The following AKAP12 variants were observed in gnomAD, a reference collection of about 807,000 sequenced individuals.
AKAP12 encodes the protein A-kinase anchor protein 12.
In AKAP12, 32 loss-of-function variants were observed where a neutral mutation model predicts 79.9. That is an observed-to-expected ratio of 0.40 (90% confidence interval 0.30 to 0.54). The LOEUF is 0.54. Ranked by LOEUF, AKAP12 falls within the 20% of genes least tolerant of loss-of-function variation. AKAP12 has a pLI of 0.48. For missense variants in AKAP12, 2,074 were observed against 2,177.0 expected (o/e 0.95, Z 0.94); for synonymous variants, 808 against 857.0 (o/e 0.94, Z 1.00).
intron 1 of AKAP12, 60 bp from the exon 2 acceptor site, chr6:151,240,324 C>CG (rs937012925): frequency 1.0e-5 from 4 of 388,152 alleles, no homozygotes; most frequent in African/African-American, 2.1e-5. Flanking sequence ...AGGGAAAAAC[C>CG]GGGGGGAGGG....
chr6:151,277,937 T>C (rs1053709137), intron 2 of AKAP12, among the ~76,000 whole-genome samples: 5 of 104,144 alleles, frequency 4.8e-5, no homozygotes, highest in Non-Finnish European at 9.9e-5. Context: ...CAATAGCTAA[T>C]AGGTTTATGT....
intron 4 of AKAP12, among the ~76,000 whole-genome samples, 197 bp downstream of exon 4, chr6:151,353,949 G>A (rs1411720795): frequency 6.6e-6 from 1 of 152,016 alleles, no homozygotes; most frequent in Non-Finnish European, 1.5e-5. Context: ...TAGTCTTATC[G>A]ATGTTATGAA....
chr6:151,252,948 C>T (rs562718720), intron 2 of AKAP12, among the ~76,000 whole-genome samples: 54 of 152,282 alleles, frequency 3.5e-4, no homozygotes, highest in African/African-American at 1.2e-3. Context: ...GTCTTTCCCT[C>T]CAGAGAAGAC....
chr6:151,249,902 A>G (rs553261152), intron 2 of AKAP12, among the ~76,000 whole-genome samples: 2 of 152,314 alleles, frequency 1.3e-5, no homozygotes, highest in Non-Finnish European at 2.9e-5. Context: ...TTTCATGGCT[A>G]TGGTGAGTTC....
At chr6:151,240,348 G>C in intron 1 of AKAP12, 36 bp from the exon 2 acceptor site, 2 of 446,048 alleles carry the variant, frequency 4.5e-6, no homozygotes, top group Non-Finnish European at 7.6e-6. Context: ...CGGAGGCTAA[G>C]AGGTGGCCTT....
chr6:151,337,434 G>A (rs1180230749), intron 3 of AKAP12, among the ~76,000 whole-genome samples: 1 of 149,494 alleles, frequency 6.7e-6, no homozygotes, highest in East Asian at 2.0e-4. Flanking sequence ...AGAATCGCTT[G>A]AACCCAGGAG....
At position 151,322,199 on chromosome 6, in the gene AKAP12, C is replaced by T. The variant is rs117965191; in HGVS notation, c.319+16296C>T. Among the ~76,000 whole-genome samples, 975 of 152,158 alleles carry T rather than the reference C, an allele frequency of 6.4e-3. 4 individuals carry two copies. The highest frequency in any genetic ancestry group is 0.011 in the Non-Finnish European group (770 of 68,018). On this transcript the variant is annotated intron_variant, in intron 3 of 4. Transcript: ENST00000402676. ...CTGGGATCACAGGTGTGAGCCACCG[C>T]GCCCAACCTGTTGTCTTTTTTCTTT...
At chr6:151,304,601 G>A (rs1469667463) in intron 2 of AKAP12, among the ~76,000 whole-genome samples, 9 of 146,216 alleles carry the variant, frequency 6.2e-5, no homozygotes, top group Non-Finnish European at 3.0e-5. Context: ...TTCTCGCTCC[G>A]TCACCCAGGC....
chr6:151,288,468 C>T (rs1020059138), intron 2 of AKAP12, among the ~76,000 whole-genome samples: 44 of 152,074 alleles, frequency 2.9e-4, no homozygotes, highest in African/African-American at 1.0e-3. Flanking sequence ...GCTGAGATCG[C>T]GCCGCTGTAC....
intron 3 of AKAP12, among the ~76,000 whole-genome samples, chr6:151,337,053 G>A (rs1777831979): frequency 6.6e-6 from 1 of 152,082 alleles, no homozygotes; most frequent in Non-Finnish European, 1.5e-5. Context: ...TTAATACGTA[G>A]ATAAAATTTA....
chr6:151,326,500 A>G (rs1329311065), intron 3 of AKAP12, among the ~76,000 whole-genome samples: 2 of 144,548 alleles, frequency 1.4e-5, no homozygotes, highest in East Asian at 2.3e-4. Context: ...AAAAAAAAAA[A>G]AAAAAAGAAA....
intron 3 of AKAP12, among the ~76,000 whole-genome samples, chr6:151,345,276 C>T (rs917155226): frequency 4.0e-5 from 6 of 151,640 alleles, no homozygotes; most frequent in Non-Finnish European, 5.9e-5. Flanking sequence ...GGGGTTTCAC[C>T]GTGTTAGCCA....
At chr6:151,307,365 A>C (rs933532524) in intron 3 of AKAP12, among the ~76,000 whole-genome samples, 8 of 152,184 alleles carry the variant, frequency 5.3e-5, no homozygotes, top group African/African-American at 1.9e-4. Flanking sequence ...GGTGTGTTGG[A>C]ACAGCCTAGC....
At position 151,341,842 on chromosome 6, in the gene AKAP12, T is replaced by C; in HGVS notation, c.320-6869T>C. On this transcript the variant is annotated intron_variant, in intron 3 of 4. Transcript: ENST00000402676. Reference sequence around the variant, plus strand: ...CCCGTCCCAGGCTTGGGAAAGCCTCTCTACTGGCCAAGGCGCGCAGGGACA... The same window carrying C: ...CCCGTCCCAGGCTTGGGAAAGCCTCCCTACTGGCCAAGGCGCGCAGGGACA... 3.2e-6 allele frequency: 4 copies of C among 1,260,168 alleles called. No homozygotes were observed. The South Asian group carries it at 3.8e-5, about 12-fold the overall frequency. 78.1% of individuals were successfully genotyped at this position (1,260,168 alleles called of 1,614,324 possible).
chr6:151,348,982 G>A lies in AKAP12; in HGVS notation c.591G>A (p.Gln197=), dbSNP rs78249780. 5.4e-4 allele frequency: 874 copies of A among 1,614,094 alleles called. 9 individuals are homozygous for A. In the African/African-American group the frequency reaches 9.5e-3, roughly 17 times the overall value. Residue 197 remains glutamine (Q), a synonymous_variant, in exon 4 of 5, where the codon CAG becomes CAA. Coordinates refer to ENST00000402676, the MANE Select transcript of AKAP12 (RefSeq NM_005100.4). ...KDKTEKPDTV[Q]LLTVKKDEGE... Reference sequence around the variant, plus strand: ...AGACAGAGAAGCCTGACACTGTCCAGCTACTCACTGTGAAGAAAGATGAAG... The same window carrying A: ...AGACAGAGAAGCCTGACACTGTCCAACTACTCACTGTGAAGAAAGATGAAG...
chr6:151,321,687 C>T (rs1187684763), intron 3 of AKAP12, among the ~76,000 whole-genome samples: 2 of 151,908 alleles, frequency 1.3e-5, no homozygotes, highest in African/African-American at 4.8e-5. Context: ...ATTTCCATTG[C>T]TCTTGGTTAT....
At chr6:151,340,278 G>A (rs1777915485) in intron 3 of AKAP12, among the ~76,000 whole-genome samples, 1 of 148,842 alleles carries the variant, frequency 6.7e-6, no homozygotes, top group Non-Finnish European at 1.5e-5. Flanking sequence ...TATGTTGTCT[G>A]GATATACCAT....
chr6:151,256,134 C>T (rs1474181648), intron 2 of AKAP12, among the ~76,000 whole-genome samples: 4 of 152,090 alleles, frequency 2.6e-5, no homozygotes, highest in Admixed American at 2.0e-4. Context: ...GAGAAAGAAC[C>T]ACTGAATAAT....
At chr6:151,345,034 GTATT>G (rs1402647340) in intron 3 of AKAP12, among the ~76,000 whole-genome samples, 1 of 152,070 alleles carries the variant, frequency 6.6e-6, no homozygotes, top group Non-Finnish European at 1.5e-5. Flanking sequence ...TGCATTTCAA[GTATT>G]TATTGCTGTG....
Sources: allele counts gnomAD v4.1 joint callset (sites outside exome capture counted in the v4.1 genomes callset), GRCh38; gene constraint gnomAD v4.1.1; transcripts MANE v1.5; gene names NCBI Gene and HGNC (gene_info 2026-07-23, HGNC 2026-07-21).